The following PCSK2 variants were observed in gnomAD, a reference collection of about 807,000 sequenced individuals.
PCSK2 encodes neuroendocrine convertase 2.
In PCSK2, 14 loss-of-function variants were observed where a neutral mutation model predicts 69.7. The observed-to-expected ratio is 0.20, with a 90% CI of 0.13 to 0.31. The LOEUF (loss-of-function observed/expected upper bound fraction) is 0.31, where lower values mean the gene tolerates loss of function less well. Among genes scored for constraint, PCSK2 ranks in the 10% least tolerant of loss-of-function variants. The pLI, the probability that PCSK2 is intolerant of heterozygous loss-of-function variation, is 1.00. For synonymous variants in PCSK2, 307 were observed against 320.7 expected, an observed-to-expected ratio of 0.96 and a Z score of 0.46; for missense variants, 544 against 842.5, an observed-to-expected ratio of 0.65 and a Z score of 4.39.
chr20:17,369,808 G>A (rs1167581466), intron 5 of PCSK2, among the ~76,000 whole-genome samples: 2 of 152,172 alleles, frequency 1.3e-5, no homozygotes, highest in East Asian at 3.9e-4. Flanking sequence ...GGTTCTTGTT[G>A]GACAAAACCA....
At chr20:17,315,208 ACT>A (rs946123580) in intron 2 of PCSK2, among the ~76,000 whole-genome samples, 3 of 150,338 alleles carry the variant, frequency 2.0e-5, no homozygotes, top group African/African-American at 7.3e-5. Flanking sequence ...TAACTGCCTG[ACT>A]CTCTCAGTGT....
At chr20:17,410,226 G>T (rs184602455) in intron 6 of PCSK2, among the ~76,000 whole-genome samples, 1 of 152,098 alleles carries the variant, frequency 6.6e-6, no homozygotes, top group Non-Finnish European at 1.5e-5. Context: ...GGGTTGAAGG[G>T]CTTCCTTGGT....
intron 2 of PCSK2, among the ~76,000 whole-genome samples, chr20:17,339,257 TGGA>T (rs1265024988): frequency 6.6e-6 from 1 of 152,140 alleles, no homozygotes; most frequent in Non-Finnish European, 1.5e-5. Flanking sequence ...TGTTTTGAAG[TGGA>T]GGAGACAAGT....
intron 2 of PCSK2, among the ~76,000 whole-genome samples, chr20:17,344,360 T>A (rs1279194459): frequency 9.3e-6 from 1 of 107,052 alleles, no homozygotes; most frequent in Non-Finnish European, 2.6e-5. Context: ...TCAACACACA[T>A]TTTTTTTCTA....
intron 2 of PCSK2, among the ~76,000 whole-genome samples, chr20:17,319,158 C>A (rs866717190): frequency 2.0e-5 from 3 of 152,140 alleles, no homozygotes; most frequent in African/African-American, 2.4e-5. Context: ...TATAATTCCC[C>A]ATTTTAAATA....
chr20:17,276,926 A>C lies in PCSK2; in HGVS notation c.282+16582A>C, dbSNP rs181440698. On this transcript the variant is annotated intron_variant, in intron 2 of 11. Transcript: ENST00000262545. ...ACAAGCGTTCTTATACACCAACAAC[A>C]GACAAACAGAGAGCCAAATCATGAG... Among the ~76,000 whole-genome samples, 479 of 152,314 alleles carry C rather than the reference A, an allele frequency of 3.1e-3. 4 individuals are homozygous for C. Among genetic ancestry groups the C allele is most frequent in the African/African-American group, 0.011 (463 of 41,540 alleles).
At chr20:17,369,950 TAC>T (rs1386818044) in intron 5 of PCSK2, among the ~76,000 whole-genome samples, 1 of 152,210 alleles carries the variant, frequency 6.6e-6, no homozygotes, top group African/African-American at 2.4e-5. Context: ...CATTGAGAAT[TAC>T]TATCCCTTGA....
At chr20:17,371,017 T>C (rs6080663) in intron 5 of PCSK2, among the ~76,000 whole-genome samples, 51,479 of 152,084 alleles carry the variant, frequency 0.34, 9,426 homozygotes, top group South Asian at 0.58. Flanking sequence ...GTTCCCTCCA[T>C]CTCCAGGACC....
chr20:17,355,650 A>AACACACACAC (rs74179105), intron 2 of PCSK2, among the ~76,000 whole-genome samples: 7,182 of 148,706 alleles, frequency 0.048, 206 homozygotes, highest in South Asian at 0.084. Context: ...TGTGCACGCA[A>AACACACACAC]ACACACACAC....
chr20:17,378,054 G>A (rs1446655154), intron 5 of PCSK2, among the ~76,000 whole-genome samples: 1 of 152,166 alleles, frequency 6.6e-6, no homozygotes, highest in Non-Finnish European at 1.5e-5. Context: ...CCTGAATTAT[G>A]AAGTGTGAAA....
chr20:17,462,762 C>T (rs538198505), intron 10 of PCSK2, among the ~76,000 whole-genome samples: 1 of 152,340 alleles, frequency 6.6e-6, no homozygotes, highest in African/African-American at 2.4e-5. Context: ...TCATATAAAA[C>T]ATTTGAGAAC....
At chr20:17,317,863 A>T (rs1418589997) in intron 2 of PCSK2, among the ~76,000 whole-genome samples, 1 of 152,260 alleles carries the variant, frequency 6.6e-6, no homozygotes, top group Non-Finnish European at 1.5e-5. Flanking sequence ...AAAGATGTAG[A>T]CGCAGGAAGG....
chr20:17,317,613 C>A (rs552087093), intron 2 of PCSK2, among the ~76,000 whole-genome samples: 1 of 152,320 alleles, frequency 6.6e-6, no homozygotes, highest in Admixed American at 6.5e-5. Flanking sequence ...ATACAACTCC[C>A]CCAATCCCTC....
chr20:17,308,483 G>A lies in PCSK2; in HGVS notation c.282+48139G>A, dbSNP rs183543145. 1.2e-3 allele frequency among the ~76,000 whole-genome samples: 182 copies of A among 152,312 alleles called. 1 individual carries two copies. The East Asian group carries it at 0.015, about 12-fold the overall frequency. ...AGGGAAGAGCATTCCAGGCGGAAGT[G>A]CAAAGGTCCCGAGGACAGAACAAAT... On this transcript the variant is annotated intron_variant, in intron 2 of 11. Coordinates refer to ENST00000262545, the MANE Select transcript of PCSK2 (RefSeq NM_002594.5).
intron 2 of PCSK2, among the ~76,000 whole-genome samples, chr20:17,346,390 T>C (rs529944389): frequency 6.6e-6 from 1 of 152,252 alleles, no homozygotes; most frequent in South Asian, 2.1e-4. Context: ...GGACAGAGAC[T>C]TCTCCTCGTC....
chr20:17,331,461 C>G (rs879914464), intron 2 of PCSK2, among the ~76,000 whole-genome samples: 3 of 152,142 alleles, frequency 2.0e-5, no homozygotes, highest in Admixed American at 2.0e-4. Flanking sequence ...CAGCTGCAAT[C>G]CACCTGACAA....
At chr20:17,292,107 G>A (rs1284155771) in intron 2 of PCSK2, among the ~76,000 whole-genome samples, 1 of 152,164 alleles carries the variant, frequency 6.6e-6, no homozygotes, top group Non-Finnish European at 1.5e-5. Context: ...TACAGCGCAT[G>A]GATATTGAGT....
At chr20:17,229,957 T>C (rs1192407054) in intron 1 of PCSK2, among the ~76,000 whole-genome samples, 1 of 152,252 alleles carries the variant, frequency 6.6e-6, no homozygotes, top group Non-Finnish European at 1.5e-5. Context: ...TCAGTTGTTG[T>C]ATTTCTACTT....
intron 6 of PCSK2, among the ~76,000 whole-genome samples, chr20:17,417,535 C>T (rs2032027359): frequency 6.6e-6 from 1 of 152,216 alleles, no homozygotes; most frequent in African/African-American, 2.4e-5. Flanking sequence ...GATGCCACCA[C>T]TCAAATCGCA....
Sources: gnomAD v4.1 joint callset for allele counts (sites outside exome capture counted in the v4.1 genomes callset) on GRCh38, gnomAD v4.1.1 for gene constraint, MANE v1.5 for transcripts, NCBI Gene and HGNC (gene_info 2026-07-23, HGNC 2026-07-21) for gene names.